The following C2orf42 variants were observed in gnomAD, a reference collection of about 807,000 sequenced individuals.
C2orf42 encodes chromosome 2 open reading frame 42.
A neutral mutation model predicts 58.9 loss-of-function variants in C2orf42; 44 were observed. That is an observed-to-expected ratio of 0.75 (90% CI 0.59 to 0.96). The LOEUF (loss-of-function observed/expected upper bound fraction) is 0.96, where lower values mean the gene tolerates loss of function less well. C2orf42 is among the 40% of genes least tolerant of loss of function. The probability of loss-of-function intolerance (pLI) is 0.00; values close to 1 mark genes in which losing one functional copy is unlikely to be tolerated. For synonymous variants in C2orf42, 239 were observed against 265.4 expected (o/e 0.90, Z 0.97); for missense variants, 630 against 699.2 (o/e 0.90, Z 1.12).
At chr2:70,174,206 G>A (rs1674031709) in intron 5 of C2orf42, among the ~76,000 whole-genome samples, 1 of 151,976 alleles carries the variant, frequency 6.6e-6, no homozygotes, top group African/African-American at 2.4e-5. Context: ...TACTTGGGAG[G>A]CTAAAACAGG....
At chr2:70,170,820 T>G (rs1673759349) in intron 5 of C2orf42, among the ~76,000 whole-genome samples, 1 of 150,998 alleles carries the variant, frequency 6.6e-6, no homozygotes, top group Non-Finnish European at 1.5e-5. Context: ...TGGTCCTATA[T>G]AATGACTGTT....
intron 8 of C2orf42, 62 bp downstream of exon 8, chr2:70,165,030 C>T: frequency 1.2e-6 from 1 of 831,970 alleles, no homozygotes; most frequent in Non-Finnish European, 2.0e-6. Context: ...AATATAGTCC[C>T]TGTACTTGCC....
chr2:70,187,680 A>G (rs1162882844), intron 1 of C2orf42, among the ~76,000 whole-genome samples: 1 of 151,950 alleles, frequency 6.6e-6, no homozygotes, highest in Non-Finnish European at 1.5e-5. Context: ...ATTTCAACAC[A>G]TTTATTACAT....
intron 3 of C2orf42, among the ~76,000 whole-genome samples, chr2:70,180,554 G>A (rs1357074878): frequency 2.2e-5 from 3 of 136,104 alleles, no homozygotes; most frequent in African/African-American, 5.7e-5. Context: ...GTTGCGGTGA[G>A]CCAAGGTTGT....
At position 70,181,495 on chromosome 2, in the gene C2orf42, T is replaced by G. The variant is rs199928301; in HGVS notation, c.491A>C (p.Glu164Ala). The change falls in exon 3 of 10, where the codon GAA (glutamate) becomes GCA (alanine). Residue 164 changes from glutamate to alanine, a missense_variant. Glu to Ala is a moderately radical substitution (Grantham distance 107). Coordinates refer to ENST00000264434, the MANE Select transcript of C2orf42 (RefSeq NM_017880.3). ...SVLNAMQASPETKQTIWQLAT... is the reference protein window; with the variant it reads ...SVLNAMQASPATKQTIWQLAT... ...CAACTGCCAGATGGTCTGTTTGGTT[T>G]CCGGGGAGGCCTGCATTGCATTCAG... is the stretch of plus-strand genomic sequence containing the variant. 4 of 1,613,666 alleles carry G rather than the reference T, an allele frequency of 2.5e-6. No individual in the cohort carries two copies. The highest frequency in any genetic ancestry group is 2.2e-5 in the East Asian group (1 of 44,886).
chr2:70,153,559 C>G (rs1489674520), intron 9 of C2orf42, among the ~76,000 whole-genome samples: 2 of 150,140 alleles, frequency 1.3e-5, no homozygotes, highest in Admixed American at 1.3e-4. Flanking sequence ...TGGGGTTTCA[C>G]CATGTTAGCC....
At chr2:70,180,030 G>A (rs554908965) in intron 3 of C2orf42, among the ~76,000 whole-genome samples, 30 of 152,296 alleles carry the variant, frequency 2.0e-4, no homozygotes, top group African/African-American at 6.3e-4. Flanking sequence ...GGTGGCTCAC[G>A]TCTGTAATCC....
chr2:70,166,708 C>G (rs976513696), intron 6 of C2orf42, among the ~76,000 whole-genome samples: 1 of 151,716 alleles, frequency 6.6e-6, no homozygotes, highest in African/African-American at 2.4e-5. Context: ...AAAAACAAAC[C>G]AACACAGTAG....
chr2:70,153,728 A>C (rs1225936474), intron 9 of C2orf42, among the ~76,000 whole-genome samples: 2 of 151,846 alleles, frequency 1.3e-5, no homozygotes, highest in East Asian at 3.9e-4. Flanking sequence ...AGAAGAATCA[A>C]AGGAAGGGAA....
chr2:70,174,944 T>C (rs925998585), intron 5 of C2orf42, among the ~76,000 whole-genome samples: 1 of 152,074 alleles, frequency 6.6e-6, no homozygotes, highest in African/African-American at 2.4e-5. Flanking sequence ...AGTGCTGGGA[T>C]TACAGGCGTG....
At chr2:70,189,361 G>C (rs1392250865) in intron 1 of C2orf42, among the ~76,000 whole-genome samples, 1 of 128,350 alleles carries the variant, frequency 7.8e-6, no homozygotes, top group South Asian at 2.6e-4. Context: ...AGCCAAGATC[G>C]TGCCATTGCA....
intron 3 of C2orf42, among the ~76,000 whole-genome samples, 161 bp downstream of exon 3, chr2:70,181,002 A>C (rs1674524421): frequency 6.6e-4 from 2 of 3,048 alleles, no homozygotes; most frequent in Admixed American, 5.4e-3. Flanking sequence ...CCTTGTCTCA[A>C]AAAAAAAAAA....
chr2:70,159,149 G>A (rs1672894873), intron 9 of C2orf42, among the ~76,000 whole-genome samples: 1 of 152,144 alleles, frequency 6.6e-6, no homozygotes, highest in Non-Finnish European at 1.5e-5. Flanking sequence ...GCCTCCCAAA[G>A]TGCTGGGATT....
chr2:70,183,513 T>C (rs1269781859), intron 1 of C2orf42, among the ~76,000 whole-genome samples: 1 of 150,694 alleles, frequency 6.6e-6, no homozygotes, highest in Non-Finnish European at 1.5e-5. Context: ...CACTGCAACC[T>C]CCACTTCCCA....
intron 4 of C2orf42, among the ~76,000 whole-genome samples, chr2:70,175,999 A>G (rs1674166830): frequency 6.6e-6 from 1 of 152,184 alleles, no homozygotes; most frequent in Non-Finnish European, 1.5e-5. Flanking sequence ...GAAGAAAAAA[A>G]TTCACTTATT....
intron 9 of C2orf42, among the ~76,000 whole-genome samples, chr2:70,157,115 C>G (rs1171730289): frequency 1.3e-5 from 2 of 152,090 alleles, no homozygotes; most frequent in Admixed American, 1.3e-4. Flanking sequence ...GGTAAAATGA[C>G]TCTTCTAGTC....
Position 70,181,460 on chromosome 2 carries a change from G to T in C2orf42, c.526C>A (p.Pro176Thr). ...KQTIWQLATE[P>T]TGPLVQRITK... The stretch of plus-strand genomic sequence containing the variant: ...ATTCTCTGCACCAGAGGACCTGTGG[G>T]TTCCGTGGCCAACTGCCAGATGGTC... The change falls in exon 3 of 10, where the codon CCC becomes ACC. Residue 176 changes from proline (P) to threonine (T), a missense_variant. By Grantham distance (38) the Pro-to-Thr change is conservative. Coordinates refer to ENST00000264434, the MANE Select transcript of C2orf42 (RefSeq NM_017880.3). 1 of 1,613,952 alleles carries T rather than the reference G, an allele frequency of 6.2e-7. No individual in the cohort carries two copies. The highest frequency in any genetic ancestry group is 8.5e-7 in the Non-Finnish European group (1 of 1,180,004).
Position 70,175,761 on chromosome 2 carries a change from A to C in C2orf42, c.951T>G (p.Ser317Arg), listed in dbSNP as rs1172782796. Residue 317 changes from serine to arginine, a missense_variant, in exon 5 of 10, where the codon AGT (serine) becomes AGG (arginine). By Grantham distance (110) the Ser-to-Arg change is moderately radical. Transcript: ENST00000264434. ...KDEVSGAQMN[S>R]SLLPQDAVSS... ...TCACTGCATCTTGAGGCAGTAGTGA[A>C]CTGTTCATCTGTGCACCTAAACCAC... is the stretch of plus-strand genomic sequence containing the variant. 2 of 1,608,366 alleles carry C rather than the reference A, an allele frequency of 1.2e-6. No individual in the cohort carries two copies. The highest frequency in any genetic ancestry group is 2.7e-5 in the African/African-American group (2 of 74,776).
At chr2:70,166,512 A>C (rs1305482058) in intron 6 of C2orf42, among the ~76,000 whole-genome samples, 1 of 150,448 alleles carries the variant, frequency 6.6e-6, no homozygotes, top group Non-Finnish European at 1.5e-5. Context: ...CTAAAAAAAA[A>C]AAAAAAAAAA....
Sources: allele counts gnomAD v4.1 joint callset (sites outside exome capture counted in the v4.1 genomes callset), GRCh38; gene constraint gnomAD v4.1.1; transcripts MANE v1.5; gene names NCBI Gene and HGNC (gene_info 2026-07-23, HGNC 2026-07-21).